SATB2: variants seen among roughly 807,000 people sequenced by gnomAD.
SATB2 encodes the protein SATB homeobox 2.
SATB2 carries 1 observed loss-of-function variant against 73.4 expected under a neutral mutation model. The ratio of observed to expected loss-of-function variants is 0.01; its 90% CI spans 0.00 to 0.06. The LOEUF is 0.06. Ranked by LOEUF, SATB2 falls within the 10% of genes least tolerant of loss-of-function variation. The pLI, the probability that SATB2 is intolerant of heterozygous loss-of-function variation, is 1.00. For missense variants in SATB2, 459 were observed against 945.8 expected, an observed-to-expected ratio of 0.49 and a Z score of 6.75; for synonymous variants, 397 against 367.0, an observed-to-expected ratio of 1.08 and a Z score of -0.93.
intron 4 of SATB2, among the ~76,000 whole-genome samples, chr2:199,381,387 C>A (rs1284994715): frequency 6.6e-6 from 1 of 152,114 alleles, no homozygotes; most frequent in East Asian, 1.9e-4. Flanking sequence ...CTAGAGGACC[C>A]ATTGAATAAG....
At position 199,308,287 on chromosome 2, in the gene SATB2, T is replaced by C. The variant is rs1024877258; in HGVS notation, c.1740+473A>G. The stretch of plus-strand genomic sequence containing the variant: ...ATCTGTCACAATCTGTCTCTCAAGG[T>C]TCAGCTGAGTTCAATGGTATTCCCT... On this transcript the variant is annotated intron_variant, in intron 10 of 10. Coordinates refer to ENST00000417098, the MANE Select transcript of SATB2 (RefSeq NM_001172509.2). This position sits in a 1 kb window ranked among gnomAD's most constrained non-coding sequence, Gnocchi z 4.6. Among the ~76,000 whole-genome samples the C allele has an allele frequency of 6.6e-6, 1 of 152,170 alleles. No homozygotes were observed. The highest frequency in any genetic ancestry group is 6.5e-5 in the Admixed American group (1 of 15,276).
intron 3 of SATB2, among the ~76,000 whole-genome samples, chr2:199,386,658 G>A (rs971375657): frequency 2.0e-5 from 3 of 151,102 alleles, no homozygotes; most frequent in African/African-American, 7.3e-5. Context: ...AAAAACTAGT[G>A]ATGATTAAAT....
rs959701386 is a variant in SATB2 at position 199,320,129 on chromosome 2, C to T, written c.1542+3674G>A. Reference sequence around the variant, plus strand: ...GAGGAACAAGGCATTCCTGTGGCCACGCAGACAGAATGTGGGGCATTCGCT... The same window carrying T: ...GAGGAACAAGGCATTCCTGTGGCCATGCAGACAGAATGTGGGGCATTCGCT... On this transcript the variant is annotated intron_variant, in intron 9 of 10. Coordinates refer to ENST00000417098, the MANE Select transcript of SATB2 (RefSeq NM_001172509.2). Among the ~76,000 whole-genome samples, 6 of 152,088 alleles carry T rather than the reference C, an allele frequency of 3.9e-5. No homozygotes were observed. In the East Asian group the frequency reaches 9.7e-4, roughly 25 times the overall value.
At chr2:199,446,504 T>C (rs893890211) in intron 2 of SATB2, among the ~76,000 whole-genome samples, 7 of 152,164 alleles carry the variant, frequency 4.6e-5, no homozygotes, top group African/African-American at 1.7e-4. Context: ...CAAAACACTT[T>C]CTTTTAATTG....
At chr2:199,433,268 C>G in intron 3 of SATB2, 70 bp downstream of exon 3, 2 of 1,483,932 alleles carry the variant, frequency 1.3e-6, no homozygotes, top group Non-Finnish European at 1.8e-6. Context: ...AGAACTATTT[C>G]AGAAAACATA....
intron 5 of SATB2, among the ~76,000 whole-genome samples, chr2:199,377,699 T>C (rs1689645737): frequency 6.6e-6 from 1 of 150,754 alleles, no homozygotes; most frequent in South Asian, 2.1e-4. Context: ...GTAGGGGGAG[T>C]GACTGAGGAA....
rs1692091474 is a variant in SATB2 at position 199,269,553 on chromosome 2, C to A, written c.*2658G>T. 6.6e-6 allele frequency: 1 copy of A among 152,634 alleles called. No individual in the cohort carries two copies. Among genetic ancestry groups the A allele is most frequent in the African/African-American group, 2.4e-5 (1 of 41,410 alleles). The allele number at this position is 152,634 out of a possible 1,614,324, so 9.5% of individuals were successfully genotyped here. A position where few individuals can be genotyped will look rare whatever the true frequency, so the allele number is the denominator to read the frequency against. On this transcript the variant is annotated 3_prime_UTR_variant, in exon 11 of 11. Transcript: ENST00000417098. ...CAACCAAAAAATTCTAACAGCCTAA[C>A]AATGCACATAAGTTAAAAATTAATT...
chr2:199,463,594 C>T lies in SATB2; in HGVS notation c.-141+1242G>A, dbSNP rs549874275. 6.6e-6 allele frequency among the ~76,000 whole-genome samples: 1 copy of T among 152,328 alleles called. No individual in the cohort carries two copies. Among genetic ancestry groups the T allele is most frequent in the Non-Finnish European group, 1.5e-5 (1 of 68,028 alleles). ...CCACCGCGTGGGCTGAGGCCGAAACCTTCGGCGCCGGCTCTGCCGGTCGCG... is the reference window on the plus strand; with the variant it reads ...CCACCGCGTGGGCTGAGGCCGAAACTTTCGGCGCCGGCTCTGCCGGTCGCG... On this transcript the variant is annotated intron_variant, in intron 1 of 11. Coordinates refer to the SATB2 transcript ENST00000260926. The surrounding 1 kb of genome is among the most constrained non-coding windows in gnomAD (Gnocchi z 6.4).
intron 7 of SATB2, among the ~76,000 whole-genome samples, chr2:199,338,660 G>A (rs942690961): frequency 6.6e-6 from 1 of 152,104 alleles, no homozygotes; most frequent in East Asian, 1.9e-4. Flanking sequence ...GCTCACGCCT[G>A]TAATCCCAGC....
At chr2:199,324,495 A>C (rs929645557) in intron 8 of SATB2, among the ~76,000 whole-genome samples, 3 of 152,124 alleles carry the variant, frequency 2.0e-5, no homozygotes, top group East Asian at 3.9e-4. Flanking sequence ...ACAGTCACCT[A>C]ATTTCACCTA....
chr2:199,337,225 A>C (rs1186752252), intron 7 of SATB2, among the ~76,000 whole-genome samples: 1 of 152,190 alleles, frequency 6.6e-6, no homozygotes, highest in Non-Finnish European at 1.5e-5. Flanking sequence ...ATAAAGAAAA[A>C]TGTAATAAAT....
At chr2:199,293,707 A>G (rs1021844079) in intron 10 of SATB2, among the ~76,000 whole-genome samples, 3 of 152,146 alleles carry the variant, frequency 2.0e-5, no homozygotes, top group African/African-American at 7.2e-5. Context: ...AAGTAAATCC[A>G]TTGGAAGCTG....
chr2:199,293,075 G>C (rs969341972), intron 10 of SATB2, among the ~76,000 whole-genome samples: 14 of 152,094 alleles, frequency 9.2e-5, no homozygotes, highest in Non-Finnish European at 1.5e-4. Flanking sequence ...GATCAGAAAG[G>C]GTTAAGAAAA....
intron 3 of SATB2, chr2:199,397,561 A>C (rs1690337314): frequency 6.0e-6 from 1 of 167,508 alleles, no homozygotes; most frequent in Admixed American, 6.3e-5. Context: ...GGAAACCATG[A>C]TGGAAGAATT....
At chr2:199,398,194 AG>A (rs1690360747) in intron 3 of SATB2, among the ~76,000 whole-genome samples, 1 of 152,200 alleles carries the variant, frequency 6.6e-6, no homozygotes, top group East Asian at 1.9e-4. Context: ...TCTGGGTCAT[AG>A]GGAACTGCTG....
intron 9 of SATB2, among the ~76,000 whole-genome samples, chr2:199,315,573 C>T (rs985569302): frequency 1.3e-5 from 2 of 152,040 alleles, no homozygotes; most frequent in African/African-American, 4.8e-5. Context: ...GCTTTCTCTT[C>T]CCCAGGACAC....
At chr2:199,451,541 T>C (rs1195629669) in intron 2 of SATB2, among the ~76,000 whole-genome samples, 1 of 151,964 alleles carries the variant, frequency 6.6e-6, no homozygotes, top group Non-Finnish European at 1.5e-5. Context: ...ATATTCATCC[T>C]TGGGAATGGA....
At chr2:199,323,704 C>A in intron 9 of SATB2, 99 bp downstream of exon 9, 1 of 1,268,188 alleles carries the variant, frequency 7.9e-7, no homozygotes, top group Non-Finnish European at 1.1e-6. Context: ...GGGGTTATTA[C>A]TGTTATTATT....
At chr2:199,389,019 T>C (rs1015003370) in intron 3 of SATB2, among the ~76,000 whole-genome samples, 14 of 152,152 alleles carry the variant, frequency 9.2e-5, no homozygotes, top group African/African-American at 3.4e-4. Context: ...TATTTATCCA[T>C]AAATCAGTTC....
Sources: allele counts gnomAD v4.1 joint callset (sites outside exome capture counted in the v4.1 genomes callset), GRCh38; gene constraint gnomAD v4.1.1; non-coding constraint Gnocchi (gnomAD v3.1); transcripts MANE v1.5; gene names NCBI Gene and HGNC (gene_info 2026-07-23, HGNC 2026-07-21).